BSN: variants seen among roughly 807,000 people sequenced by gnomAD.
BSN encodes the protein protein bassoon.
BSN carries 57 observed loss-of-function variants against 264.8 expected under a neutral mutation model. That is an observed-to-expected ratio of 0.22 (90% confidence interval 0.17 to 0.27). The LOEUF (loss-of-function observed/expected upper bound fraction) is 0.27, where lower values mean the gene tolerates loss of function less well. Ranked by LOEUF, BSN falls within the 10% of genes least tolerant of loss-of-function variation. The pLI is 1.00. For synonymous variants in BSN, 2,059 were observed against 2,137.3 expected (o/e 0.96, Z 1.01); for missense variants, 4,615 against 5,232.5 (o/e 0.88, Z 3.64).
rs773704108 is a variant in BSN at position 49,657,588 on chromosome 3, C to T, written c.8032C>T (p.Pro2678Ser). The T allele has an allele frequency of 1.2e-6, 2 of 1,611,936 alleles. No homozygotes were observed. Among genetic ancestry groups the T allele is most frequent in the Non-Finnish European group, 1.7e-6 (2 of 1,179,148 alleles). ...TISDCSVQTEPDQLPRVSPAI... is the reference protein window; with the variant it reads ...TISDCSVQTESDQLPRVSPAI... ...CAGTGACTGCTCCGTGCAGACGGAG[C>T]CTGACCAGCTGCCCAGGGTCTCTCC... Residue 2678 changes from proline (P) to serine (S), a missense_variant, in exon 5 of 12, where the codon CCT (proline) becomes TCT (serine). Around this residue, in one of 3 missense-constraint regions of BSN, gnomAD observed 3,415 missense variants for 3,866.4 expected, o/e 0.88. Coordinates refer to ENST00000296452, the MANE Select transcript of BSN (RefSeq NM_003458.4).
chr3:49,656,685 C>T lies in BSN; in HGVS notation c.7129C>T (p.Arg2377Trp), dbSNP rs779013730. The T allele has an allele frequency of 4.4e-6, 7 of 1,594,870 alleles. No homozygotes were observed. The highest frequency in any genetic ancestry group is 2.7e-5 in the African/African-American group (2 of 74,668). Residue 2377 changes from arginine to tryptophan, a missense_variant, in exon 5 of 12, where the codon CGG (arginine) becomes TGG (tryptophan). Physicochemically the swap from Arg to Trp is moderately radical, Grantham distance 101. Coordinates refer to ENST00000296452, the MANE Select transcript of BSN (RefSeq NM_003458.4). The stretch of plus-strand genomic sequence containing the variant: ...ACAGGAGCAGCTGCTCCAGCTAGAG[C>T]GGGAGCGGGTGGAGTTGGAGAAGCT... ...KQQEQLLQLE[R>W]ERVELEKLRQ...
Position 49,585,659 on chromosome 3 carries a change from T to C in BSN, c.224+30833T>C, listed in dbSNP as rs2051931647. Among the ~76,000 whole-genome samples, 1 of 152,234 alleles carries C rather than the reference T, an allele frequency of 6.6e-6. No individual in the cohort carries two copies. Among genetic ancestry groups the C allele is most frequent in the Non-Finnish European group, 1.5e-5 (1 of 68,038 alleles). On this transcript the variant is annotated intron_variant, in intron 1 of 11. Coordinates refer to ENST00000296452, the MANE Select transcript of BSN (RefSeq NM_003458.4). This position sits in a 1 kb window ranked among gnomAD's most constrained non-coding sequence, Gnocchi z 4.7. ...CGCTGCGTCTAACCCCAATTTTTAGTTTTTTGAGAAACCTCCAAACTGTTC... is the reference window on the plus strand; with the variant it reads ...CGCTGCGTCTAACCCCAATTTTTAGCTTTTTGAGAAACCTCCAAACTGTTC...
At chr3:49,643,745 G>A (rs1435332954) in intron 3 of BSN, among the ~76,000 whole-genome samples, 2 of 152,190 alleles carry the variant, frequency 1.3e-5, no homozygotes, top group Non-Finnish European at 2.9e-5. Flanking sequence ...TTTTACCCAG[G>A]CTGGGGCTGG....
chr3:49,673,127 TA>T, downstream of BSN, among the ~76,000 whole-genome samples: 1 of 133,486 alleles, frequency 7.5e-6, no homozygotes, highest in African/African-American at 2.9e-5. Context: ...CTTAACTAGT[TA>T]TCTTGAGTAA....
intron 2 of BSN, among the ~76,000 whole-genome samples, chr3:49,632,501 C>T (rs557615473): frequency 1.1e-4 from 16 of 152,032 alleles, no homozygotes; most frequent in East Asian, 1.9e-4. Context: ...AAACAAAAAC[C>T]CAATTAAAAG....
At position 49,625,038 on chromosome 3, in the gene BSN, G is replaced by A. The variant is rs2052331816; in HGVS notation, c.288G>A (p.Pro96=). Residue 96 remains proline (P), a synonymous_variant, in exon 2 of 12, where the codon CCG becomes CCA. Transcript: ENST00000296452. This position sits in a 1 kb window ranked among gnomAD's most constrained non-coding sequence, Gnocchi z 4.4. ...LGNQRAASPT[P]KQASATTPGH... is the part of the protein sequence containing the mutation. Reference sequence around the variant, plus strand: ...ACCAGAGAGCAGCTTCCCCAACTCCGAAGCAGGCTTCTGCTACCACTCCTG... The same window carrying A: ...ACCAGAGAGCAGCTTCCCCAACTCCAAAGCAGGCTTCTGCTACCACTCCTG... 10 of 1,588,940 alleles carry A rather than the reference G, an allele frequency of 6.3e-6. No homozygotes were observed. Among genetic ancestry groups the A allele is most frequent in the East Asian group, 2.3e-5 (1 of 44,188 alleles).
chr3:49,574,272 G>A (rs966039670), intron 1 of BSN, among the ~76,000 whole-genome samples: 2 of 151,528 alleles, frequency 1.3e-5, no homozygotes, highest in Non-Finnish European at 2.9e-5. Flanking sequence ...CCAGCTAATA[G>A]TACTTTTAAA....
rs890022349 is a variant in BSN, at chr3:49,575,664, A to G, written c.224+20838A>G. Among the ~76,000 whole-genome samples the G allele has an allele frequency of 2.4e-4, 36 of 147,150 alleles. 1 individual carries two copies. In the South Asian group the frequency reaches 3.8e-3, roughly 16 times the overall value. ...TATATATGTGTGTGTGTGTGTATAT[A>G]TATATATATATATACAAGTAAGACA... On this transcript the variant is annotated intron_variant, in intron 1 of 11. Coordinates refer to ENST00000296452, the MANE Select transcript of BSN (RefSeq NM_003458.4).
chr3:49,594,841 A>T (rs909785785), intron 1 of BSN, among the ~76,000 whole-genome samples: 4 of 152,106 alleles, frequency 2.6e-5, no homozygotes, highest in Admixed American at 6.6e-5. Flanking sequence ...TAGTTTTTTT[A>T]AAATTTCTTT....
intron 2 of BSN, among the ~76,000 whole-genome samples, chr3:49,635,393 G>A (rs905169585): frequency 1.3e-5 from 2 of 152,142 alleles, no homozygotes; most frequent in African/African-American, 2.4e-5. Flanking sequence ...CTGAGCAGTA[G>A]TGGGGAGTCA....
At position 49,669,800 on chromosome 3, in the gene BSN, C is replaced by G. The variant is rs950717786; in HGVS notation, c.*2315C>G. 6.6e-6 allele frequency: 1 copy of G among 152,484 alleles called. No homozygotes were observed. Among genetic ancestry groups the G allele is most frequent in the African/African-American group, 2.4e-5 (1 of 41,464 alleles). 9.4% of individuals were successfully genotyped at this position (152,484 alleles called of 1,614,324 possible). A position where few individuals can be genotyped will look rare whatever the true frequency, so the allele number is the denominator to read the frequency against. ...ATCTTACAGAAGGTCCTGTGTGACC[C>G]TCTCTGCATCTGTCCCCAGGACCTA... On this transcript the variant is annotated 3_prime_UTR_variant, in exon 12 of 12. Transcript: ENST00000296452.
At chr3:49,606,181 A>ATATATATTATATATATATATTATATATG (rs2052141303) in intron 1 of BSN, among the ~76,000 whole-genome samples, 1 of 6,804 alleles carries the variant, frequency 1.5e-4, no homozygotes, top group African/African-American at 4.9e-4. Flanking sequence ...TTATATATGT[A>ATATATATTATATATATATATTATATATG]TATATATTAT....
Position 49,653,406 on chromosome 3 carries a change from A to C in BSN, c.3850A>C (p.Lys1284Gln). The change falls in exon 5 of 12, where the codon AAA becomes CAA. Residue 1284 changes from lysine (K) to glutamine (Q), a missense_variant. Lys to Gln is a moderately conservative substitution (Grantham distance 53, BLOSUM62 1). Around this residue, in one of 3 missense-constraint regions of BSN, gnomAD observed 3,415 missense variants for 3,866.4 expected, o/e 0.88. Transcript: ENST00000296452. The surrounding 1 kb of genome is among the most constrained non-coding windows in gnomAD (Gnocchi z 6.3). ...ACGAGACCTGGCTTTTGCTGAGGAC[A>C]AAAAGAAGGAGAAGCAGTTTCTAAA... The part of the protein sequence containing the change: ...SSRDLAFAED[K>Q]KKEKQFLNAE... 1 of 1,613,918 alleles carries C rather than the reference A, an allele frequency of 6.2e-7. No homozygotes were observed. Among genetic ancestry groups the C allele is most frequent in the Non-Finnish European group, 8.5e-7 (1 of 1,180,014 alleles).
intron 1 of BSN, among the ~76,000 whole-genome samples, chr3:49,617,087 G>A (rs1276546287): frequency 6.6e-6 from 1 of 152,060 alleles, no homozygotes; most frequent in Non-Finnish European, 1.5e-5. Flanking sequence ...AAATCTGGCT[G>A]TTTGTACATT....
intron 1 of BSN, among the ~76,000 whole-genome samples, chr3:49,580,631 T>A (rs2051889371): frequency 6.6e-6 from 1 of 152,032 alleles, no homozygotes; most frequent in Non-Finnish European, 1.5e-5. Flanking sequence ...GCTAATTTTT[T>A]AATATTTTGT....
At position 49,605,588 on chromosome 3, in the gene BSN, TTATATA is replaced by T. The variant is rs1172321188; in HGVS notation, c.225-19384_225-19379del. 7.4e-3 allele frequency among the ~76,000 whole-genome samples: 73 copies of T among 9,852 alleles called. 4 individuals are homozygous for T. The highest frequency in any genetic ancestry group is 9.4e-3 in the Non-Finnish European group (59 of 6,250). 6.5% of individuals were successfully genotyped at this position (9,852 alleles called of 152,430 possible). On this transcript the variant is annotated intron_variant, in intron 1 of 11. Coordinates refer to ENST00000296452, the MANE Select transcript of BSN (RefSeq NM_003458.4). ...ATTATATATTATATATATTATATAT[TTATATA>T]TAATATATATTATATATTATATATA...
At chr3:49,646,628 C>T (rs2052504978) in intron 3 of BSN, among the ~76,000 whole-genome samples, 1 of 152,222 alleles carries the variant, frequency 6.6e-6, no homozygotes, top group Non-Finnish European at 1.5e-5. Context: ...CTGACACAGT[C>T]AGCCCTTAAG....
chr3:49,554,896 C>A, intron 1 of BSN, 70 bp downstream of exon 1: 1 of 972,704 alleles, frequency 1.0e-6, no homozygotes, highest in Non-Finnish European at 1.3e-6. Context: ...GCCCAGGATC[C>A]CGCGATCTAG....
intron 1 of BSN, among the ~76,000 whole-genome samples, chr3:49,574,503 G>A (rs1036201057): frequency 6.6e-6 from 1 of 151,744 alleles, no homozygotes; most frequent in Non-Finnish European, 1.5e-5. Flanking sequence ...GCGTGGTCTC[G>A]GCTCACTGCA....
Sources: gnomAD v4.1 joint callset for allele counts (sites outside exome capture counted in the v4.1 genomes callset) on GRCh38, gnomAD v4.1.1 for gene constraint, gnomAD v4.1.1 regional missense constraint, Gnocchi (gnomAD v3.1) non-coding constraint, MANE v1.5 for transcripts, NCBI Gene and HGNC (gene_info 2026-07-23, HGNC 2026-07-21) for gene names.